The following RERE variants were observed in gnomAD, a reference collection of about 807,000 sequenced individuals.
RERE encodes the protein arginine-glutamic acid dipeptide repeats, also known as arginine-glutamic acid dipeptide repeats protein.
A neutral mutation model predicts 146.1 loss-of-function variants in RERE; 40 were observed. The ratio of observed to expected loss-of-function variants is 0.27; its 90% CI spans 0.21 to 0.36. The LOEUF (loss-of-function observed/expected upper bound fraction) is 0.36, where lower values mean the gene tolerates loss of function less well. RERE is among the 10% of genes least tolerant of loss of function. RERE has a pLI of 1.00. For missense variants in RERE, 1,933 were observed against 2,138.7 expected (o/e 0.90, Z 1.90); for synonymous variants, 1,003 against 866.0 (o/e 1.16, Z -2.78).
At chr1:8,384,556 C>A (rs913838271) in intron 12 of RERE, among the ~76,000 whole-genome samples, 1 of 152,158 alleles carries the variant, frequency 6.6e-6, no homozygotes, top group Admixed American at 6.5e-5. Flanking sequence ...CAAAGGTGAG[C>A]GGTTGTATGC....
At chr1:8,659,551 C>T (rs990162132) in intron 1 of RERE, among the ~76,000 whole-genome samples, 4 of 152,134 alleles carry the variant, frequency 2.6e-5, no homozygotes, top group African/African-American at 7.2e-5. Context: ...AGCGAGACTC[C>T]GTCTCAAAAT....
Position 8,497,525 on chromosome 1 carries a change from T to C in RERE, c.884A>G (p.Lys295Arg), listed in dbSNP as rs762755433. The change falls in exon 9 of 23, where the codon AAA becomes AGA. Residue 295 changes from lysine to arginine, a missense_variant. This residue lies in a region of RERE where 260 missense variants were observed against 378.4 expected (regional missense o/e 0.69). Transcript: ENST00000400908. Reference sequence around the variant, plus strand: ...AGGAAATGGTTGCAGATCTGGAAGTTTGGCCTGTAAGACAGGGATGAGTAA... The same window carrying C: ...AGGAAATGGTTGCAGATCTGGAAGTCTGGCCTGTAAGACAGGGATGAGTAA... ...EIRVGPSHQA[K>R]LPDLQPFPSP... The C allele has an allele frequency of 1.1e-5, 18 of 1,614,024 alleles. No homozygotes were observed. Among genetic ancestry groups the C allele is most frequent in the Non-Finnish European group, 1.4e-5 (16 of 1,180,002 alleles).
At chr1:8,374,708 C>T (rs1557596874) in intron 12 of RERE, among the ~76,000 whole-genome samples, 1 of 152,234 alleles carries the variant, frequency 6.6e-6, no homozygotes, top group Non-Finnish European at 1.5e-5. Context: ...AGCTGCTTGA[C>T]TACTTCTTCT....
chr1:8,456,058 A>G (rs1644449607), intron 11 of RERE, among the ~76,000 whole-genome samples: 1 of 152,212 alleles, frequency 6.6e-6, no homozygotes, highest in African/African-American at 2.4e-5. Flanking sequence ...TAATCACCAC[A>G]GGCCTAGAGC....
intron 4 of RERE, among the ~76,000 whole-genome samples, chr1:8,567,847 T>C (rs537755735): frequency 6.6e-6 from 1 of 152,180 alleles, no homozygotes; most frequent in Non-Finnish European, 1.5e-5. Flanking sequence ...AGAGATAAAC[T>C]GTACGTCAAG....
intron 12 of RERE, among the ~76,000 whole-genome samples, chr1:8,409,971 ATTT>A (rs57424627): frequency 0.02 from 1,940 of 95,370 alleles, 26 homozygotes; most frequent in South Asian, 0.035. Flanking sequence ...CAATCAGGCA[ATTT>A]TTTTTTTTTT....
intron 11 of RERE, among the ~76,000 whole-genome samples, chr1:8,432,624 G>T (rs759066043): frequency 1.9e-4 from 29 of 152,170 alleles, no homozygotes; most frequent in East Asian, 3.8e-4. Flanking sequence ...CCACCAAATT[G>T]TGGATTCCTT....
chr1:8,735,875 ACT>A (rs1640186343), intron 1 of RERE, among the ~76,000 whole-genome samples: 1 of 152,150 alleles, frequency 6.6e-6, no homozygotes, highest in Admixed American at 6.5e-5. Flanking sequence ...AGCCTGCAGT[ACT>A]GTGAGCTAAC....
chr1:8,508,625 A>AC lies in RERE; in HGVS notation c.879+1dup. ...TAAGGAAGCTATGAAAATGAACTTC[A>AC]CCTGATGACTAGGACCGACACGAAT... On this transcript the variant is annotated splice_donor_variant, in intron 8 of 22. Transcript: ENST00000400908. LOFTEE classifies it high-confidence loss of function. 6.2e-7 allele frequency: 1 copy of AC among 1,610,062 alleles called. No homozygotes were observed. Among genetic ancestry groups the AC allele is most frequent in the Non-Finnish European group, 8.5e-7 (1 of 1,176,408 alleles).
chr1:8,647,641 A>ATGTGTG (rs1553127411), intron 2 of RERE, among the ~76,000 whole-genome samples: 1,868 of 148,606 alleles, frequency 0.013, 38 homozygotes, highest in African/African-American at 0.042. Context: ...TAAAATATGT[A>ATGTGTG]TGTGTGTGTG....
At chr1:8,523,487 C>A (rs974718882) in intron 7 of RERE, among the ~76,000 whole-genome samples, 1 of 152,192 alleles carries the variant, frequency 6.6e-6, no homozygotes, top group East Asian at 1.9e-4. Flanking sequence ...AAACTAGCAT[C>A]TTTTCCATGT....
chr1:8,666,928 A>G (rs1638588645), intron 1 of RERE, among the ~76,000 whole-genome samples: 1 of 152,246 alleles, frequency 6.6e-6, no homozygotes, highest in South Asian at 2.1e-4. Flanking sequence ...AAGAGTTTAT[A>G]TACTCATTCT....
intron 12 of RERE, among the ~76,000 whole-genome samples, chr1:8,395,675 T>C (rs546973101): frequency 4.6e-5 from 7 of 152,270 alleles, no homozygotes; most frequent in African/African-American, 1.7e-4. Flanking sequence ...TGTGTGGACC[T>C]TTTTGTAAAC....
chr1:8,798,118 G>A (rs1641511954), intron 1 of RERE, among the ~76,000 whole-genome samples: 1 of 152,196 alleles, frequency 6.6e-6, no homozygotes. Context: ...ACTTAGGCCG[G>A]ATGCAGTGGC....
chr1:8,728,986 A>G (rs1640027341), intron 1 of RERE, among the ~76,000 whole-genome samples: 1 of 152,002 alleles, frequency 6.6e-6, no homozygotes, highest in Non-Finnish European at 1.5e-5. Context: ...ACCAACATGG[A>G]GAAACCCTGT....
chr1:8,792,117 A>T (rs1248649756), intron 1 of RERE, among the ~76,000 whole-genome samples: 2 of 152,170 alleles, frequency 1.3e-5, no homozygotes, highest in South Asian at 4.1e-4. Flanking sequence ...AGAAAACAAA[A>T]CAAAAAGACA....
chr1:8,429,189 C>T (rs1279689684), intron 11 of RERE, among the ~76,000 whole-genome samples: 1 of 152,208 alleles, frequency 6.6e-6, no homozygotes, highest in Non-Finnish European at 1.5e-5. Flanking sequence ...GAGGCTACTG[C>T]TATTCCCATC....
chr1:8,657,816 C>T (rs1638357507), intron 1 of RERE, among the ~76,000 whole-genome samples: 1 of 152,208 alleles, frequency 6.6e-6, no homozygotes, highest in Non-Finnish European at 1.5e-5. Context: ...CACTGCACTC[C>T]AGTCTGGGCA....
chr1:8,669,416 A>G (rs1053932677), intron 1 of RERE, among the ~76,000 whole-genome samples: 6 of 152,172 alleles, frequency 3.9e-5, no homozygotes, highest in Admixed American at 3.9e-4. Context: ...CACTTTAAAT[A>G]GGTAAATTAT....
Sources: gnomAD v4.1 joint callset for allele counts (sites outside exome capture counted in the v4.1 genomes callset) on GRCh38, gnomAD v4.1.1 for gene constraint, gnomAD v4.1.1 regional missense constraint, MANE v1.5 for transcripts, NCBI Gene and HGNC (gene_info 2026-07-23, HGNC 2026-07-21) for gene names.